The following SH3BP4 variants were observed in gnomAD, a reference collection of about 807,000 sequenced individuals.
The protein encoded by SH3BP4 is SH3 domain-binding protein 4.
Under a neutral mutation model 65.5 loss-of-function variants are expected in SH3BP4, and 33 were observed. The ratio of observed to expected loss-of-function variants is 0.50; its 90% confidence interval spans 0.38 to 0.67. SH3BP4 has a LOEUF of 0.67. SH3BP4 is among the 30% of genes least tolerant of loss of function. The pLI is 0.00. For missense variants in SH3BP4, 1,134 were observed against 1,261.4 expected, an observed-to-expected ratio of 0.90 and a Z score of 1.53; for synonymous variants, 552 against 545.5, an observed-to-expected ratio of 1.01 and a Z score of -0.17.
intron 2 of SH3BP4, among the ~76,000 whole-genome samples, chr2:235,001,191 G>A (rs1694085279): frequency 6.6e-6 from 1 of 152,236 alleles, no homozygotes; most frequent in Non-Finnish European, 1.5e-5. Flanking sequence ...TAACAGAACA[G>A]ATGTGTTTAT....
rs1394950931 is a variant in SH3BP4 at position 235,035,225 on chromosome 2, A to G, written c.118+105A>G. The G allele has an allele frequency of 2.4e-6, 2 of 833,504 alleles. No homozygotes were observed. The highest frequency in any genetic ancestry group is 4.1e-6 in the Non-Finnish European group (2 of 484,196). The allele number at this position is 833,504 out of a possible 1,614,324, so 51.6% of individuals were successfully genotyped here. A position where few individuals can be genotyped will look rare whatever the true frequency, so the allele number is the denominator to read the frequency against. On this transcript the variant is annotated intron_variant, in intron 3 of 5. Coordinates refer to ENST00000392011, the MANE Select transcript of SH3BP4 (RefSeq NM_014521.3). This position sits in a 1 kb window ranked among gnomAD's most constrained non-coding sequence, Gnocchi z 5.0. The stretch of plus-strand genomic sequence containing the variant: ...TAAAGATTGCCAGTTTAGCATTCAG[A>G]TAGTTAAAGTTTAGTTCTTTAAACT...
chr2:234,970,791 G>A (rs1482500979), intron 1 of SH3BP4, among the ~76,000 whole-genome samples: 1 of 152,010 alleles, frequency 6.6e-6, no homozygotes, highest in Non-Finnish European at 1.5e-5. Context: ...GTTTATTAGC[G>A]CTGGGGATCA....
At chr2:234,981,060 G>C (rs1693363663) in intron 1 of SH3BP4, among the ~76,000 whole-genome samples, 1 of 152,142 alleles carries the variant, frequency 6.6e-6, no homozygotes, top group Admixed American at 6.5e-5. Context: ...TGGAAAATAA[G>C]CCTCTCTTAG....
intron 2 of SH3BP4, among the ~76,000 whole-genome samples, chr2:235,021,362 C>G (rs1014524237): frequency 6.6e-6 from 1 of 151,798 alleles, no homozygotes; most frequent in African/African-American, 2.4e-5. Flanking sequence ...TCCTGTAATC[C>G]CAGCATTTTG....
chr2:235,044,633 T>C (rs1695784674), intron 4 of SH3BP4, among the ~76,000 whole-genome samples: 1 of 152,244 alleles, frequency 6.6e-6, no homozygotes, highest in African/African-American at 2.4e-5. Flanking sequence ...GCGTGCTTCT[T>C]GGTGCCCGGC....
In SH3BP4 at chr2:234,977,766, C is replaced by T. The variant is rs556181600; in HGVS notation, c.-206-17537C>T. Among the ~76,000 whole-genome samples, 163 of 152,102 alleles carry T rather than the reference C, an allele frequency of 1.1e-3. No homozygotes were observed. Among genetic ancestry groups the T allele is most frequent in the African/African-American group, 3.8e-3 (157 of 41,532 alleles). On this transcript the variant is annotated intron_variant, in intron 1 of 5. Coordinates refer to ENST00000392011, the MANE Select transcript of SH3BP4 (RefSeq NM_014521.3). This position sits in a 1 kb window ranked among gnomAD's most constrained non-coding sequence, Gnocchi z 5.1. The stretch of plus-strand genomic sequence containing the variant: ...CAGTTAGTGCACAGAGTGAGCCCTG[C>T]GCTGGGAAAGACACGCACACGCATA...
rs573369541 is a variant in SH3BP4, at chr2:235,039,852, A to G, written c.119-1036A>G. Among the ~76,000 whole-genome samples the G allele has an allele frequency of 9.8e-5, 15 of 152,326 alleles. 1 individual carries two copies. Among genetic ancestry groups the G allele is most frequent in the South Asian group, 4.1e-4 (2 of 4,820 alleles). ...TTCAGACTGCTTCAACACTTGTTCAATGATAGTATGAGCTATGACTAGGCA... is the reference window on the plus strand; with the variant it reads ...TTCAGACTGCTTCAACACTTGTTCAGTGATAGTATGAGCTATGACTAGGCA... On this transcript the variant is annotated intron_variant, in intron 3 of 5. Transcript: ENST00000392011.
chr2:235,023,782 T>G (rs931245522), intron 2 of SH3BP4, among the ~76,000 whole-genome samples: 3 of 152,158 alleles, frequency 2.0e-5, no homozygotes, highest in Non-Finnish European at 4.4e-5. Context: ...GGATTTAAAT[T>G]TTTAAATATT....
intron 1 of SH3BP4, among the ~76,000 whole-genome samples, chr2:234,964,108 T>C (rs1692780236): frequency 6.6e-6 from 1 of 152,170 alleles, no homozygotes; most frequent in African/African-American, 2.4e-5. Context: ...CATCCACCTA[T>C]AGGTAACATG....
At chr2:234,963,456 C>T (rs551632074) in intron 1 of SH3BP4, among the ~76,000 whole-genome samples, 5 of 152,264 alleles carry the variant, frequency 3.3e-5, no homozygotes, top group Non-Finnish European at 5.9e-5. Flanking sequence ...TAAGAGCGGC[C>T]GTACTTGTTC....
intron 1 of SH3BP4, among the ~76,000 whole-genome samples, chr2:234,959,772 C>T (rs542250369): frequency 6.6e-6 from 1 of 152,132 alleles, no homozygotes; most frequent in South Asian, 2.1e-4. Context: ...CTGCCTCAGC[C>T]CCCCAAGTAG....
At chr2:235,047,641 C>G (rs182469900) in intron 4 of SH3BP4, among the ~76,000 whole-genome samples, 2 of 152,170 alleles carry the variant, frequency 1.3e-5, no homozygotes, top group Non-Finnish European at 2.9e-5. Flanking sequence ...TGGAGATAGC[C>G]GTGGGCAGTG....
chr2:235,008,678 G>A (rs1012196423), intron 2 of SH3BP4: 2 of 152,144 alleles, frequency 1.3e-5, no homozygotes, highest in African/African-American at 4.8e-5. Flanking sequence ...AAAACTCCAA[G>A]GCAAACAAGC....
At chr2:235,039,363 G>T (rs1169292780) in intron 3 of SH3BP4, among the ~76,000 whole-genome samples, 1 of 152,070 alleles carries the variant, frequency 6.6e-6, no homozygotes, top group Non-Finnish European at 1.5e-5. Flanking sequence ...TGATTTTCTG[G>T]GGTCGGGGGG....
intron 1 of SH3BP4, among the ~76,000 whole-genome samples, chr2:234,987,663 C>T (rs1238880097): frequency 6.6e-6 from 1 of 152,166 alleles, no homozygotes; most frequent in Non-Finnish European, 1.5e-5. Flanking sequence ...AGACACTCTC[C>T]TTGGCTTGCT....
chr2:235,044,567 C>T (rs912179374), intron 4 of SH3BP4, among the ~76,000 whole-genome samples: 2 of 152,222 alleles, frequency 1.3e-5, no homozygotes, highest in African/African-American at 2.4e-5. Flanking sequence ...TGGCGTGTGC[C>T]GCTCTTCCTC....
intron 3 of SH3BP4, among the ~76,000 whole-genome samples, chr2:235,037,066 ACCTT>A (rs1695410724): frequency 6.6e-6 from 1 of 152,214 alleles, no homozygotes; most frequent in Non-Finnish European, 1.5e-5. Context: ...CTGCCATGAA[ACCTT>A]CTACTCTGAT....
Position 234,976,011 on chromosome 2 carries a change from G to A in SH3BP4, c.-206-19292G>A, listed in dbSNP as rs759698502. 6.6e-5 allele frequency among the ~76,000 whole-genome samples: 10 copies of A among 152,120 alleles called. No homozygotes were observed. Among genetic ancestry groups the A allele is most frequent in the East Asian group, 1.9e-4 (1 of 5,192 alleles). On this transcript the variant is annotated intron_variant, in intron 1 of 5. Coordinates refer to ENST00000392011, the MANE Select transcript of SH3BP4 (RefSeq NM_014521.3). The surrounding 1 kb of genome is among the most constrained non-coding windows in gnomAD (Gnocchi z 4.7). ...TTCTCCAGCCTCAGTTTCCTGTCTC[G>A]TCAGCCCCATAGAAACTGAGCTCTC... is the stretch of plus-strand genomic sequence containing the variant.
At chr2:235,027,217 G>A (rs551803101) in intron 2 of SH3BP4, among the ~76,000 whole-genome samples, 13 of 152,252 alleles carry the variant, frequency 8.5e-5, no homozygotes, top group East Asian at 7.7e-4. Context: ...CAGACCAGTC[G>A]GATCAGGACT....
Sources: gnomAD v4.1 joint callset for allele counts (sites outside exome capture counted in the v4.1 genomes callset) on GRCh38, gnomAD v4.1.1 for gene constraint, Gnocchi (gnomAD v3.1) non-coding constraint, MANE v1.5 for transcripts, NCBI Gene and HGNC (gene_info 2026-07-23, HGNC 2026-07-21) for gene names.